Variants in ASIP observed in about 807,000 individuals in gnomAD.
The protein encoded by ASIP is agouti signaling protein.
ASIP carries 11 observed loss-of-function variants against 10.3 expected under a neutral mutation model. That is an observed-to-expected ratio of 1.07 (90% CI 0.68 to 1.78). The LOEUF is 1.78. Among genes scored for constraint, ASIP ranks in the 40% most tolerant of loss-of-function variants. The pLI is 0.00. For synonymous variants in ASIP, 70 were observed against 70.8 expected (o/e 0.99, Z 0.06); for missense variants, 180 against 169.2 (o/e 1.06, Z -0.35).
chr20:34,247,621 T>C (rs1384588800), intron 1 of ASIP, among the ~76,000 whole-genome samples: 1 of 151,960 alleles, frequency 6.6e-6, no homozygotes, highest in Non-Finnish European at 1.5e-5. Context: ...TATGACTTTT[T>C]TTTTTGAGAC....
chr20:34,264,991 T>C (rs186736831), intron 3 of ASIP, among the ~76,000 whole-genome samples: 50 of 152,058 alleles, frequency 3.3e-4, no homozygotes, highest in Middle Eastern at 3.4e-3. Context: ...AGATGAGGTT[T>C]TGCGGTGTTG....
intron 1 of ASIP, among the ~76,000 whole-genome samples, chr20:34,219,475 C>T (rs958009442): frequency 6.6e-6 from 1 of 152,158 alleles, no homozygotes; most frequent in Non-Finnish European, 1.5e-5. Flanking sequence ...TGCCTGGCTC[C>T]AAAACTTATT....
intron 1 of ASIP, among the ~76,000 whole-genome samples, chr20:34,228,044 G>A (rs2035104815): frequency 6.6e-6 from 1 of 151,934 alleles, no homozygotes; most frequent in Non-Finnish European, 1.5e-5. Context: ...GCAATAAAAT[G>A]AACTTCAATT....
In ASIP at chr20:34,260,527, T is replaced by C. The variant is rs1396452778; in HGVS notation, c.153T>C (p.Ser51=). The change falls in exon 2 of 4, where the codon TCT becomes TCC. Residue 51 remains serine (S), a synonymous_variant. Coordinates refer to ENST00000374954, the MANE Select transcript of ASIP (RefSeq NM_001672.3). ...ACCTACTGGATGTCCCTTCTGTCTC[T>C]ATTGTGGGTAAGTCACCTAGCCTCT... The part of the protein sequence containing the change: ...SVNLLDVPSV[S]IVALNKKSKQ... 1 of 1,611,086 alleles carries C rather than the reference T, an allele frequency of 6.2e-7. No homozygotes were observed. The highest frequency in any genetic ancestry group is 8.5e-7 in the Non-Finnish European group (1 of 1,177,916).
At chr20:34,222,724 A>C (rs1010193672) in intron 1 of ASIP, among the ~76,000 whole-genome samples, 26 of 151,392 alleles carry the variant, frequency 1.7e-4, no homozygotes, top group African/African-American at 6.3e-4. Context: ...ATCTCGGCTC[A>C]CTGCAACCTC....
At chr20:34,200,478 C>T (rs1212630221) in intron 1 of ASIP, among the ~76,000 whole-genome samples, 2 of 152,192 alleles carry the variant, frequency 1.3e-5, no homozygotes, top group Non-Finnish European at 2.9e-5. Flanking sequence ...TAAATATGAT[C>T]TGAGTGTCCT....
intron 1 of ASIP, among the ~76,000 whole-genome samples, chr20:34,223,900 T>C (rs2035074285): frequency 9.7e-6 from 1 of 103,170 alleles, no homozygotes; most frequent in Admixed American, 1.1e-4. Context: ...CTTGGGATCC[T>C]GTTGATCTGT....
At chr20:34,259,209 A>G (rs960324335) in intron 1 of ASIP, among the ~76,000 whole-genome samples, 3 of 149,830 alleles carry the variant, frequency 2.0e-5, no homozygotes, top group African/African-American at 7.4e-5. Context: ...CTCTGTCTCA[A>G]AACAAACAAT....
intron 1 of ASIP, among the ~76,000 whole-genome samples, chr20:34,208,570 C>A (rs1471049201): frequency 6.6e-6 from 1 of 152,090 alleles, no homozygotes; most frequent in Non-Finnish European, 1.5e-5. Flanking sequence ...CCTCGGTTGA[C>A]TCAAACTCCT....
chr20:34,256,527 TC>T (rs1439927621), intron 1 of ASIP, among the ~76,000 whole-genome samples: 2 of 152,084 alleles, frequency 1.3e-5, no homozygotes, highest in African/African-American at 4.8e-5. Context: ...GGTCTCAAAT[TC>T]CTAAGATCAA....
the ASIP span, among the ~76,000 whole-genome samples, chr20:34,187,786 G>A: frequency 4.6e-5 from 7 of 152,144 alleles, no homozygotes; most frequent in African/African-American, 1.7e-4. Flanking sequence ...TACTATAAAT[G>A]ACCTTTAAGA....
intron 1 of ASIP, among the ~76,000 whole-genome samples, chr20:34,197,587 G>C (rs1426977240): frequency 6.6e-6 from 1 of 152,092 alleles, no homozygotes; most frequent in East Asian, 1.9e-4. Flanking sequence ...CCACTGAGTG[G>C]GTATCCGCTT....
intron 1 of ASIP, among the ~76,000 whole-genome samples, chr20:34,226,575 A>G (rs931853290): frequency 6.6e-6 from 1 of 152,138 alleles, no homozygotes; most frequent in Non-Finnish European, 1.5e-5. Context: ...ACTGGTCTCA[A>G]ACTCCTGACC....
chr20:34,219,224 A>C (rs944191447), intron 1 of ASIP, among the ~76,000 whole-genome samples: 2 of 152,228 alleles, frequency 1.3e-5, no homozygotes, highest in Non-Finnish European at 2.9e-5. Flanking sequence ...ATATGGAAAG[A>C]GGTGATCCAA....
intron 1 of ASIP, among the ~76,000 whole-genome samples, chr20:34,198,372 G>A (rs1160136168): frequency 6.6e-6 from 1 of 151,946 alleles, no homozygotes. Context: ...TTACAGGCGT[G>A]AGCCACCGAG....
chr20:34,204,681 A>G (rs1410223243), intron 1 of ASIP, among the ~76,000 whole-genome samples: 1 of 152,206 alleles, frequency 6.6e-6, no homozygotes, highest in Admixed American at 6.5e-5. Flanking sequence ...TACTTTTTGT[A>G]GTTACTCTTT....
At chr20:34,263,670 T>G (rs1236549562) in intron 3 of ASIP, among the ~76,000 whole-genome samples, 1 of 151,460 alleles carries the variant, frequency 6.6e-6, no homozygotes, top group Non-Finnish European at 1.5e-5. Context: ...TCTTTTTTTT[T>G]TTTTCTTTTT....
chr20:34,249,997 A>G (rs908723695), intron 1 of ASIP: 1 of 152,198 alleles, frequency 6.6e-6, no homozygotes, highest in African/African-American at 2.4e-5. Context: ...ATCTTAACTA[A>G]CCTGAATGAG....
At chr20:34,248,963 C>CAA (rs60237416) in intron 1 of ASIP, among the ~76,000 whole-genome samples, 175 of 129,322 alleles carry the variant, frequency 1.4e-3, no homozygotes, top group African/African-American at 3.7e-3. Flanking sequence ...ACCAAAAATA[C>CAA]AAAAAAAAAA....
Sources: gnomAD v4.1 joint callset for allele counts (sites outside exome capture counted in the v4.1 genomes callset) on GRCh38, gnomAD v4.1.1 for gene constraint, MANE v1.5 for transcripts, NCBI Gene and HGNC (gene_info 2026-07-23, HGNC 2026-07-21) for gene names.